Variants in DSCAM observed in about 807,000 individuals in gnomAD.
DSCAM encodes the protein DS cell adhesion molecule.
Under a neutral mutation model 217.7 loss-of-function variants are expected in DSCAM, and 47 were observed. The observed-to-expected ratio is 0.22, with a 90% CI of 0.17 to 0.28. The LOEUF (loss-of-function observed/expected upper bound fraction) is 0.28, where lower values mean the gene tolerates loss of function less well. Ranked by LOEUF, DSCAM falls within the 10% of genes least tolerant of loss-of-function variation. The pLI is 1.00. For missense variants in DSCAM, 2,080 were observed against 2,618.3 expected, an observed-to-expected ratio of 0.79 and a Z score of 4.49; for synonymous variants, 1,056 against 1,015.3, an observed-to-expected ratio of 1.04 and a Z score of -0.76.
intron 3 of DSCAM, among the ~76,000 whole-genome samples, chr21:40,535,536 G>C (rs961789391): frequency 2.0e-5 from 3 of 152,200 alleles, no homozygotes; most frequent in Non-Finnish European, 4.4e-5. Flanking sequence ...CTACTGTAGA[G>C]ACTCAACTAA....
chr21:40,309,720 C>T (rs532889002), intron 9 of DSCAM, among the ~76,000 whole-genome samples: 1 of 152,204 alleles, frequency 6.6e-6, no homozygotes, highest in Non-Finnish European at 1.5e-5. Context: ...ACTCCATAAG[C>T]GTGTTTTATT....
Position 40,437,799 on chromosome 21 carries a change from G to A in DSCAM, c.509-68554C>T, listed in dbSNP as rs573355757. ...TGGGAGGCAGAGGTTGCAGTGAGCCGAGATCCTGCCACTGCACTCCAACCT... is the reference window on the plus strand; with the variant it reads ...TGGGAGGCAGAGGTTGCAGTGAGCCAAGATCCTGCCACTGCACTCCAACCT... On this transcript the variant is annotated intron_variant, in intron 3 of 32. Transcript: ENST00000400454. 4.6e-5 allele frequency among the ~76,000 whole-genome samples: 7 copies of A among 152,270 alleles called. 1 individual carries two copies. Among genetic ancestry groups the A allele is most frequent in the African/African-American group, 9.6e-5 (4 of 41,550 alleles).
At position 40,042,444 on chromosome 21, in the gene DSCAM, G is replaced by A; in HGVS notation, c.5613C>T (p.Phe1871=). 6.2e-7 allele frequency: 1 copy of A among 1,614,196 alleles called. No individual in the cohort carries two copies. The highest frequency in any genetic ancestry group is 8.5e-7 in the Non-Finnish European group (1 of 1,180,024). ...STPSESGICR[F]TASPPKPQDG... ...CCTGAGGTTTGGGGGGAGATGCAGT[G>A]AACCTGCAGATTCCCGATTCGGAAG... Residue 1871 remains phenylalanine, a synonymous_variant, in exon 32 of 33, where the codon TTC becomes TTT. Transcript: ENST00000400454.
chr21:40,446,068 C>T (rs2075672496), intron 3 of DSCAM, among the ~76,000 whole-genome samples: 1 of 152,110 alleles, frequency 6.6e-6, no homozygotes, highest in African/African-American at 2.4e-5. Context: ...TAAGAGGATA[C>T]GTTAGCTTTA....
chr21:40,021,119 G>T (rs537620854), intron 32 of DSCAM, among the ~76,000 whole-genome samples: 252 of 148,698 alleles, frequency 1.7e-3, no homozygotes, highest in African/African-American at 5.8e-3. Context: ...AGAGAGAGAG[G>T]GATCAGAGAG....
rs144758543 is a variant in DSCAM at position 40,617,733 on chromosome 21, C to G, written c.508+75077G>C. Among the ~76,000 whole-genome samples, 112 of 152,350 alleles carry G rather than the reference C, an allele frequency of 7.4e-4. 1 individual carries two copies. The highest frequency in any genetic ancestry group is 3.4e-3 in the Middle Eastern group (1 of 294). ...ACTGTCTGCTGACATTGCCATATGA[C>G]TTCTGGGGTCAAACTTGTGCTCAGT... On this transcript the variant is annotated intron_variant, in intron 3 of 32. Coordinates refer to ENST00000400454, the MANE Select transcript of DSCAM (RefSeq NM_001389.5).
At chr21:40,448,982 A>T (rs2075697638) in intron 3 of DSCAM, among the ~76,000 whole-genome samples, 1 of 152,186 alleles carries the variant, frequency 6.6e-6, no homozygotes, top group African/African-American at 2.4e-5. Flanking sequence ...CTGCATTTAT[A>T]CAGAAGCCTC....
chr21:40,586,120 C>T (rs571520108), intron 3 of DSCAM, among the ~76,000 whole-genome samples: 55 of 152,266 alleles, frequency 3.6e-4, no homozygotes, highest in Non-Finnish European at 6.6e-4. Flanking sequence ...GCCTCCCAAA[C>T]TGCTGGGATT....
At chr21:40,805,561 A>T (rs2091778410) in intron 1 of DSCAM, among the ~76,000 whole-genome samples, 1 of 152,096 alleles carries the variant, frequency 6.6e-6, no homozygotes, top group Non-Finnish European at 1.5e-5. Flanking sequence ...AGGTTCTGGG[A>T]ATTACGCCAT....
chr21:40,437,664 C>T (rs1356857138), intron 3 of DSCAM, among the ~76,000 whole-genome samples: 1 of 151,778 alleles, frequency 6.6e-6, no homozygotes, highest in Non-Finnish European at 1.5e-5. Context: ...CAGCCTGGCC[C>T]ACATGGTGAG....
intron 30 of DSCAM, among the ~76,000 whole-genome samples, chr21:40,051,116 A>G (rs1202391082): frequency 6.6e-6 from 1 of 152,216 alleles, no homozygotes; most frequent in Non-Finnish European, 1.5e-5. Context: ...TATTTTTCTA[A>G]TAATAACACA....
At chr21:40,780,716 G>A (rs2091536229) in intron 1 of DSCAM, among the ~76,000 whole-genome samples, 1 of 151,768 alleles carries the variant, frequency 6.6e-6, no homozygotes, top group Non-Finnish European at 1.5e-5. Flanking sequence ...TAGAGGGGTG[G>A]GCCTATAAAG....
chr21:40,438,925 A>G (rs1186816910), intron 3 of DSCAM, among the ~76,000 whole-genome samples: 1 of 151,850 alleles, frequency 6.6e-6, no homozygotes, highest in Non-Finnish European at 1.5e-5. Flanking sequence ...TTTTTTCTGG[A>G]AGGTAGCCAT....
intron 1 of DSCAM, among the ~76,000 whole-genome samples, chr21:40,809,193 C>T (rs143893161): frequency 1.3e-3 from 191 of 152,152 alleles, no homozygotes; most frequent in African/African-American, 3.9e-3. Context: ...GCCACCACCA[C>T]GATAAAGGCA....
At chr21:40,246,485 G>A (rs2073227656) in intron 11 of DSCAM, among the ~76,000 whole-genome samples, 2 of 149,886 alleles carry the variant, frequency 1.3e-5, no homozygotes, top group Non-Finnish European at 3.0e-5. Flanking sequence ...AGGCTGCACT[G>A]AGCTGAGATC....
chr21:40,761,052 C>T (rs1274711657), intron 1 of DSCAM, among the ~76,000 whole-genome samples: 1 of 152,206 alleles, frequency 6.6e-6, no homozygotes, highest in Non-Finnish European at 1.5e-5. Context: ...AATTTCTACC[C>T]TCACCTAACC....
chr21:40,198,759 G>A (rs1295579541), intron 11 of DSCAM, among the ~76,000 whole-genome samples: 1 of 152,234 alleles, frequency 6.6e-6, no homozygotes, highest in Non-Finnish European at 1.5e-5. Flanking sequence ...GGCAGTGGGA[G>A]GTGGGATGAC....
chr21:40,839,306 A>T (rs1163611753), intron 1 of DSCAM, among the ~76,000 whole-genome samples: 1 of 152,208 alleles, frequency 6.6e-6, no homozygotes, highest in Admixed American at 6.5e-5. Flanking sequence ...TAATCACAGG[A>T]TCCTAAATTT....
chr21:40,318,753 G>A (rs755295859), intron 8 of DSCAM, among the ~76,000 whole-genome samples: 11 of 152,164 alleles, frequency 7.2e-5, no homozygotes, highest in Admixed American at 2.6e-4. Context: ...TGCTGGAGCC[G>A]GTGGGTGCTA....
Sources: gnomAD v4.1 joint callset for allele counts (sites outside exome capture counted in the v4.1 genomes callset) on GRCh38, gnomAD v4.1.1 for gene constraint, MANE v1.5 for transcripts, NCBI Gene and HGNC (gene_info 2026-07-23, HGNC 2026-07-21) for gene names.